Variants in TVP23C observed in about 807,000 individuals in gnomAD.
TVP23C encodes the protein trans-golgi network vesicle protein 23 homolog C.
A neutral mutation model predicts 28.7 loss-of-function variants in TVP23C; 19 were observed. The observed-to-expected ratio is 0.66, with a 90% confidence interval of 0.46 to 0.97. The LOEUF (loss-of-function observed/expected upper bound fraction) is 0.97. TVP23C is among the 50% of genes least tolerant of loss of function. The pLI, the probability that TVP23C is intolerant of heterozygous loss-of-function variation, is 0.00. For missense variants in TVP23C, 186 were observed against 241.3 expected (o/e 0.77, Z 1.52); for synonymous variants, 68 against 81.7 (o/e 0.83, Z 0.90).
intron 1 of TVP23C, among the ~76,000 whole-genome samples, chr17:15,559,165 C>A (rs1371771324): frequency 6.8e-6 from 1 of 147,682 alleles, no homozygotes; most frequent in African/African-American, 2.4e-5. Context: ...CAAACTTGGG[C>A]CCCGTCAGGT....
intron 5 of TVP23C, among the ~76,000 whole-genome samples, chr17:15,511,668 A>G (rs1982011528): frequency 6.6e-6 from 1 of 152,044 alleles, no homozygotes; most frequent in Non-Finnish European, 1.5e-5. Flanking sequence ...CCTTCCTTCA[A>G]TCAGAATGTC....
At chr17:15,529,206 CT>C (rs1982850588) in intron 5 of TVP23C, among the ~76,000 whole-genome samples, 1 of 152,076 alleles carries the variant, frequency 6.6e-6, no homozygotes, top group Admixed American at 6.5e-5. Flanking sequence ...AATCCCAGCA[CT>C]TTGGGAAGCC....
intron 5 of TVP23C, among the ~76,000 whole-genome samples, chr17:15,540,935 C>T (rs1983385003): frequency 1.3e-5 from 2 of 152,160 alleles, no homozygotes; most frequent in Admixed American, 6.5e-5. Context: ...TTAATTATTC[C>T]TATAGGAATT....
chr17:15,526,970 G>T (rs1401241945), intron 5 of TVP23C, among the ~76,000 whole-genome samples: 1 of 152,164 alleles, frequency 6.6e-6, no homozygotes, highest in Non-Finnish European at 1.5e-5. Flanking sequence ...TTTGAAGTAA[G>T]TTCCTGCACT....
At chr17:15,525,505 T>C (rs558746423) in intron 5 of TVP23C, among the ~76,000 whole-genome samples, 2 of 152,234 alleles carry the variant, frequency 1.3e-5, no homozygotes, top group East Asian at 1.9e-4. Context: ...AAAGGCCTTA[T>C]GAACAAAACT....
chr17:15,538,450 C>T lies in TVP23C; in HGVS notation c.*1962G>A, dbSNP rs1245573276. ...CTAAAAATACAAAAAATTAGCCAGGCGTGGTGGCGGGCGCCTGCAATCCCA... is the reference window on the plus strand; with the variant it reads ...CTAAAAATACAAAAAATTAGCCAGGTGTGGTGGCGGGCGCCTGCAATCCCA... On this transcript the variant is annotated 3_prime_UTR_variant, in exon 6 of 6. Coordinates refer to ENST00000518321, the MANE Select transcript of TVP23C (RefSeq NM_001135036.2). 6.8e-5 allele frequency: 47 copies of T among 692,624 alleles called. No individual in the cohort carries two copies. The highest frequency in any genetic ancestry group is 8.2e-5 in the Non-Finnish European group (46 of 563,122). The allele number at this position is 692,624 out of a possible 1,614,324, so 42.9% of individuals were successfully genotyped here. A position where few individuals can be genotyped will look rare whatever the true frequency, so the allele number is the denominator to read the frequency against.
chr17:15,517,105 G>A (rs1026851232), intron 5 of TVP23C, among the ~76,000 whole-genome samples: 4 of 152,212 alleles, frequency 2.6e-5, no homozygotes, highest in African/African-American at 9.6e-5. Flanking sequence ...AGAGATTCCT[G>A]GCAGGATAAT....
chr17:15,512,664 A>G (rs1444260698), intron 5 of TVP23C, among the ~76,000 whole-genome samples: 1 of 152,164 alleles, frequency 6.6e-6, no homozygotes, highest in East Asian at 1.9e-4. Context: ...TCATATATAT[A>G]TATGTAAATT....
intron 5 of TVP23C, among the ~76,000 whole-genome samples, chr17:15,506,211 A>G (rs1161503196): frequency 2.0e-5 from 3 of 152,146 alleles, no homozygotes; most frequent in African/African-American, 4.8e-5. Flanking sequence ...AAATACACCA[A>G]TCAGCACCCT....
At chr17:15,505,778 C>G (rs1295858602) in intron 5 of TVP23C, among the ~76,000 whole-genome samples, 2 of 146,052 alleles carry the variant, frequency 1.4e-5, no homozygotes, top group Non-Finnish European at 3.0e-5. Flanking sequence ...GCTTGGCGGG[C>G]CCCGCACTCG....
At chr17:15,517,515 G>A (rs1360885634) in intron 5 of TVP23C, among the ~76,000 whole-genome samples, 1 of 152,158 alleles carries the variant, frequency 6.6e-6, no homozygotes, top group Admixed American at 6.5e-5. Context: ...TCCAATAAGG[G>A]TGATACTTTT....
intron 5 of TVP23C, among the ~76,000 whole-genome samples, chr17:15,526,891 A>G (rs1982751012): frequency 6.6e-6 from 1 of 152,254 alleles, no homozygotes; most frequent in African/African-American, 2.4e-5. Context: ...TTAGAAATGA[A>G]TGCTATAGTA....
downstream of TVP23C, among the ~76,000 whole-genome samples, chr17:15,535,050 A>G (rs1983101649): frequency 6.8e-6 from 1 of 146,012 alleles, no homozygotes; most frequent in African/African-American, 2.6e-5. Flanking sequence ...AGGCTGACCC[A>G]GGGAAAAAAA....
chr17:15,553,579 G>T, intron 3 of TVP23C, 106 bp downstream of exon 3: 1 of 1,359,772 alleles, frequency 7.4e-7, no homozygotes, highest in Non-Finnish European at 9.8e-7. Context: ...CAACACAGAT[G>T]AGGTTTGAAG....
At chr17:15,548,871 GAAAT>G (rs1033634147) in intron 3 of TVP23C, among the ~76,000 whole-genome samples, 2 of 151,812 alleles carry the variant, frequency 1.3e-5, no homozygotes, top group African/African-American at 4.8e-5. Flanking sequence ...AAGAGAATAA[GAAAT>G]AAAAATAGAA....
rs545242564 is a variant in TVP23C at position 15,553,694 on chromosome 17, C to A, written c.231G>T (p.Trp77Cys). 2 of 1,606,242 alleles carry A rather than the reference C, an allele frequency of 1.2e-6. No homozygotes were observed. Among genetic ancestry groups the A allele is most frequent in the African/African-American group, 2.7e-5 (2 of 74,686 alleles). Residue 77 changes from tryptophan to cysteine, a missense_variant, in exon 3 of 6, where the codon TGG becomes TGT. Physicochemically the swap from Trp to Cys is radical, Grantham distance 215. This residue lies in a region of TVP23C where 92 missense variants were observed against 94.3 expected (regional missense o/e 0.98). Coordinates refer to ENST00000518321, the MANE Select transcript of TVP23C (RefSeq NM_001135036.2). ...TIILLLSCDF[W>C]AVKNVTGRLM... ...AAACAATCAAAATTACCTTCACTGCCCAAAAGTCACACGACAACAACAAGA... is the reference window on the plus strand; with the variant it reads ...AAACAATCAAAATTACCTTCACTGCACAAAAGTCACACGACAACAACAAGA...
chr17:15,519,479 T>TAC (rs370476385), intron 5 of TVP23C, among the ~76,000 whole-genome samples: 10 of 62,352 alleles, frequency 1.6e-4, no homozygotes, highest in African/African-American at 3.0e-4. Context: ...CTCAAATAAA[T>TAC]ATACACACAC....
chr17:15,534,740 A>C (rs978833544), downstream of TVP23C, among the ~76,000 whole-genome samples: 2 of 151,692 alleles, frequency 1.3e-5, no homozygotes, highest in Middle Eastern at 3.4e-3. Context: ...AGGCCAAGAC[A>C]GGCAGATCAC....
intron 1 of TVP23C, among the ~76,000 whole-genome samples, chr17:15,561,634 AAAT>A (rs1370326721): frequency 1.2e-5 from 1 of 82,806 alleles, no homozygotes; most frequent in Non-Finnish European, 2.3e-5. Flanking sequence ...ATGAATGAAT[AAAT>A]AAATAAATAA....
Sources: gnomAD v4.1 joint callset for allele counts (sites outside exome capture counted in the v4.1 genomes callset) on GRCh38, gnomAD v4.1.1 for gene constraint, gnomAD v4.1.1 regional missense constraint, MANE v1.5 for transcripts, NCBI Gene and HGNC (gene_info 2026-07-23, HGNC 2026-07-21) for gene names.